UBA6: variants seen among roughly 807,000 people sequenced by gnomAD.
UBA6 encodes the protein ubiquitin-like modifier-activating enzyme 6.
UBA6 carries 87 observed loss-of-function variants against 148.3 expected under a neutral mutation model. The ratio of observed to expected loss-of-function variants is 0.59; its 90% CI spans 0.49 to 0.70. UBA6 has a LOEUF of 0.70. UBA6 is among the 30% of genes least tolerant of loss of function. The pLI is 0.00. For missense variants in UBA6, 1,186 were observed against 1,241.2 expected (o/e 0.96, Z 0.67); for synonymous variants, 376 against 401.0 (o/e 0.94, Z 0.75).
intron 22 of UBA6, among the ~76,000 whole-genome samples, chr4:67,634,006 C>A (rs1484184): frequency 0.4 from 60,104 of 151,730 alleles, 11,963 homozygotes; most frequent in Middle Eastern, 0.52. Flanking sequence ...TATTAGCTCG[C>A]ACCATACGAA....
intron 19 of UBA6, chr4:67,638,164 G>C (rs1463945164): frequency 6.6e-6 from 1 of 152,466 alleles, no homozygotes; most frequent in African/African-American, 2.4e-5. Flanking sequence ...AGAAGGAGGG[G>C]TGGCAGGTCA....
At position 67,673,756 on chromosome 4, in the gene UBA6, T is replaced by G; in HGVS notation, c.487A>C (p.Lys163Gln). The G allele has an allele frequency of 6.2e-7, 1 of 1,611,714 alleles. No homozygotes were observed. The highest frequency in any genetic ancestry group is 8.5e-7 in the Non-Finnish European group (1 of 1,178,376). Residue 163 changes from lysine (K) to glutamine (Q), a missense_variant, in exon 7 of 33, where the codon AAA becomes CAA. By Grantham distance (53) the Lys-to-Gln change is moderately conservative (BLOSUM62 1). Coordinates refer to ENST00000322244, the MANE Select transcript of UBA6 (RefSeq NM_018227.6). ...KYQCVVLTEM[K>Q]LPLQKKINDF... Reference sequence around the variant, plus strand: ...TTGATCTTCTTCTGCAATGGAAGTTTCATCTCAGTCAATACTACACACTGT... The same window carrying G: ...TTGATCTTCTTCTGCAATGGAAGTTGCATCTCAGTCAATACTACACACTGT...
At chr4:67,673,834 T>C (rs1419690885) in intron 6 of UBA6, 57 bp from the exon 7 acceptor site, 4 of 1,243,754 alleles carry the variant, frequency 3.2e-6, no homozygotes, top group East Asian at 2.4e-5. Flanking sequence ...TTTTGTAGTA[T>C]ACAATAATCA....
chr4:67,633,442 C>G lies in UBA6; in HGVS notation c.2045G>C (p.Cys682Ser). The G allele has an allele frequency of 6.2e-7, 1 of 1,610,052 alleles. No individual in the cohort carries two copies. The highest frequency in any genetic ancestry group is 1.3e-5 in the African/African-American group (1 of 74,860). Residue 682 changes from cysteine to serine, a missense_variant, in exon 23 of 33, where the codon TGT becomes TCT. Physicochemically the swap from Cys to Ser is moderately radical, Grantham distance 112. Transcript: ENST00000322244. ...KIQSGHSLEG[C>S]FQVIKLLSRR... is the part of the protein sequence containing the mutation. ...GCTAAGTAACTTTATAACTTGAAAA[C>G]AGCCTTCTAAACTGTGTCCACTCTG...
At chr4:67,629,912 G>T (rs997897990) in intron 26 of UBA6, among the ~76,000 whole-genome samples, 4 of 152,078 alleles carry the variant, frequency 2.6e-5, no homozygotes, top group African/African-American at 9.7e-5. Context: ...TACTTAGCTA[G>T]AATATGCATT....
chr4:67,661,905 T>G, intron 13 of UBA6: 1 of 419,832 alleles, frequency 2.4e-6, no homozygotes. Context: ...TAATAAAGAA[T>G]AATAGTAACA....
chr4:67,632,791 A>T (rs918295824), intron 23 of UBA6, among the ~76,000 whole-genome samples: 2 of 152,178 alleles, frequency 1.3e-5, no homozygotes, highest in African/African-American at 4.8e-5. Flanking sequence ...CAGGAGTTCC[A>T]GGCCAGACTG....
chr4:67,623,676 A>AT (rs1463336240), intron 30 of UBA6, among the ~76,000 whole-genome samples: 1 of 152,114 alleles, frequency 6.6e-6, no homozygotes, highest in Non-Finnish European at 1.5e-5. Flanking sequence ...GGATTATAGT[A>AT]TTTTGTACTC....
chr4:67,661,253 C>T lies in UBA6; in HGVS notation c.1104+936G>A, dbSNP rs547784893. Among the ~76,000 whole-genome samples, 18 of 152,082 alleles carry T rather than the reference C, an allele frequency of 1.2e-4. 1 individual carries two copies. The highest frequency in any genetic ancestry group is 3.4e-3 in the Middle Eastern group (1 of 294). On this transcript the variant is annotated intron_variant, in intron 13 of 32. Coordinates refer to ENST00000322244, the MANE Select transcript of UBA6 (RefSeq NM_018227.6). The stretch of plus-strand genomic sequence containing the variant: ...GTGAGTACATGAGATTCAGGGGGTA[C>T]CAGGGATGAAATGATACATTTTGGC...
rs1432929016 is a variant in UBA6, at chr4:67,625,064, A to C, written c.2642T>G (p.Phe881Cys). ...KMYSIEPADR[F>C]KTKRIAGKII... ...TTTACCAGCTATGCGCTTTGTTTTGAAACGGTCAGCTGGTTCAATGCTGTA... is the reference window on the plus strand; with the variant it reads ...TTTACCAGCTATGCGCTTTGTTTTGCAACGGTCAGCTGGTTCAATGCTGTA... Residue 881 changes from phenylalanine (F) to cysteine (C), a missense_variant, in exon 29 of 33, where the codon TTC becomes TGC. Physicochemically the swap from Phe to Cys is radical, Grantham distance 205. Coordinates refer to ENST00000322244, the MANE Select transcript of UBA6 (RefSeq NM_018227.6). 1 of 1,613,224 alleles carries C rather than the reference A, an allele frequency of 6.2e-7. No homozygotes were observed. The highest frequency in any genetic ancestry group is 1.7e-5 in the Admixed American group (1 of 59,958).
rs1380431195 is a variant in UBA6, at chr4:67,688,479, TC to T, written c.135-6267del. 4.6e-5 allele frequency among the ~76,000 whole-genome samples: 7 copies of T among 151,804 alleles called. 1 individual carries two copies. Among genetic ancestry groups the T allele is most frequent in the Non-Finnish European group, 1.0e-4 (7 of 67,920 alleles). On this transcript the variant is annotated intron_variant, in intron 2 of 32. Coordinates refer to ENST00000322244, the MANE Select transcript of UBA6 (RefSeq NM_018227.6). ...AGAGGTAGTAAAAAAATAAAACCCC[TC>T]TGAGAGAGACAGAATGCAGAATACT...
At position 67,617,253 on chromosome 4, in the gene UBA6, C is replaced by T. The variant is rs1044319600; in HGVS notation, c.*1744G>A. 1.3e-5 allele frequency: 2 copies of T among 152,012 alleles called. No homozygotes were observed. Among genetic ancestry groups the T allele is most frequent in the Admixed American group, 6.6e-5 (1 of 15,256 alleles). The allele number at this position is 152,012 out of a possible 1,614,324, so 9.4% of individuals were successfully genotyped here. On this transcript the variant is annotated 3_prime_UTR_variant, in exon 33 of 33. Transcript: ENST00000322244. ...AAGTATCAGTTACTTTCAAAGAACA[C>T]AAAACAAAGTGAACGTGGAAAAAAG...
chr4:67,699,395 T>C (rs1394694480), intron 1 of UBA6, among the ~76,000 whole-genome samples: 1 of 152,188 alleles, frequency 6.6e-6, no homozygotes, highest in Non-Finnish European at 1.5e-5. Flanking sequence ...ATGTTATCAT[T>C]TATCTCACCA....
In UBA6 at chr4:67,660,473, G is replaced by A. The variant is rs569199476; in HGVS notation, c.1104+1716C>T. On this transcript the variant is annotated intron_variant, in intron 13 of 32. Coordinates refer to ENST00000322244, the MANE Select transcript of UBA6 (RefSeq NM_018227.6). ...GTACAGCTCAGGCTGTTGCTTCAGAGGGGACAAGCCCTAAGCCTTGGTGGC... is the reference window on the plus strand; with the variant it reads ...GTACAGCTCAGGCTGTTGCTTCAGAAGGGACAAGCCCTAAGCCTTGGTGGC... Among the ~76,000 whole-genome samples, 11 of 152,334 alleles carry A rather than the reference G, an allele frequency of 7.2e-5. No homozygotes were observed. The East Asian group carries it at 1.9e-3, about 27-fold the overall frequency.
chr4:67,622,313 C>A (rs989633742), intron 32 of UBA6, among the ~76,000 whole-genome samples: 8 of 152,160 alleles, frequency 5.3e-5, no homozygotes, highest in African/African-American at 1.9e-4. Context: ...AGCAACTCAA[C>A]ACCCCCAACT....
rs1728623972 is a variant in UBA6 at position 67,616,222 on chromosome 4, G to A, written c.*2775C>T. On this transcript the variant is annotated 3_prime_UTR_variant, in exon 33 of 33. Coordinates refer to ENST00000322244, the MANE Select transcript of UBA6 (RefSeq NM_018227.6). Reference sequence around the variant, plus strand: ...TTTTGAATCTATGAAAAGTAAAATCGCTAAATCCATACACAGTGATTATAT... The same window carrying A: ...TTTTGAATCTATGAAAAGTAAAATCACTAAATCCATACACAGTGATTATAT... 4 of 393,784 alleles carry A rather than the reference G, an allele frequency of 1.0e-5. No homozygotes were observed. The highest frequency in any genetic ancestry group is 1.3e-5 in the Non-Finnish European group (3 of 223,882). 24.4% of individuals were successfully genotyped at this position (393,784 alleles called of 1,614,324 possible).
intron 23 of UBA6, 45 bp from the exon 24 acceptor site, chr4:67,631,953 T>A: frequency 6.5e-7 from 1 of 1,539,118 alleles, no homozygotes; most frequent in Admixed American, 2.1e-5. Context: ...CTTAATATTA[T>A]CTGAGGAAAA....
In UBA6 at chr4:67,629,065, A is replaced by C; in HGVS notation, c.2400+6T>G. 1 of 1,594,442 alleles carries C rather than the reference A, an allele frequency of 6.3e-7. No homozygotes were observed. Among genetic ancestry groups the C allele is most frequent in the South Asian group, 1.1e-5 (1 of 90,672 alleles). ...ATTTGCTGAATGAATGATTTTTTAA[A>C]CATACCTTATTGGAAGGCTTGAATT... On this transcript the variant is annotated splice_donor_region_variant and intron_variant, in intron 27 of 32. Transcript: ENST00000322244.
At chr4:67,644,406 A>C (rs992181740) in intron 17 of UBA6, among the ~76,000 whole-genome samples, 6 of 152,142 alleles carry the variant, frequency 3.9e-5, no homozygotes, top group African/African-American at 1.2e-4. Flanking sequence ...AAGCCCTTTC[A>C]CATTTGATCA....
Sources: gnomAD v4.1 joint callset for allele counts (sites outside exome capture counted in the v4.1 genomes callset) on GRCh38, gnomAD v4.1.1 for gene constraint, MANE v1.5 for transcripts, NCBI Gene and HGNC (gene_info 2026-07-23, HGNC 2026-07-21) for gene names.